PCDH9: variants seen among roughly 807,000 people sequenced by gnomAD.
The protein encoded by PCDH9 is protocadherin 9.
A neutral mutation model predicts 70.6 loss-of-function variants in PCDH9; 24 were observed. That is an observed-to-expected ratio of 0.34 (90% confidence interval 0.25 to 0.48). PCDH9 has a LOEUF of 0.48. Among genes scored for constraint, PCDH9 ranks in the 20% least tolerant of loss-of-function variants. The probability of loss-of-function intolerance (pLI) is 0.99; values close to 1 mark genes in which losing one functional copy is unlikely to be tolerated. For missense variants in PCDH9, 1,281 were observed against 1,503.6 expected (o/e 0.85, Z 2.45); for synonymous variants, 562 against 558.5 (o/e 1.01, Z -0.09).
intron 3 of PCDH9, among the ~76,000 whole-genome samples, chr13:66,773,760 T>C (rs1005041981): frequency 4.0e-5 from 6 of 151,828 alleles, no homozygotes; most frequent in Non-Finnish European, 8.8e-5. Context: ...TAATTGTCCC[T>C]GGACCAATTT....
intron 2 of PCDH9, among the ~76,000 whole-genome samples, chr13:66,963,922 CTTAGG>C (rs1481086928): frequency 1.3e-5 from 2 of 151,828 alleles, no homozygotes; most frequent in African/African-American, 4.8e-5. Context: ...TAGATGTTCT[CTTAGG>C]TTAAGTTCAT....
chr13:66,658,040 T>C, intron 3 of PCDH9, among the ~76,000 whole-genome samples: 1 of 152,192 alleles, frequency 6.6e-6, no homozygotes, highest in South Asian at 2.1e-4. Context: ...CTAGAGATGA[T>C]TTTTAAAATA....
chr13:67,226,449 G>A lies in PCDH9; in HGVS notation c.1992C>T (p.Asn664=), dbSNP rs1566511424. Residue 664 remains asparagine (N), a synonymous_variant, in exon 2 of 5, where the codon AAC becomes AAT. Transcript: ENST00000377865. The surrounding 1 kb of genome is among the most constrained non-coding windows in gnomAD (Gnocchi z 5.0). ...PRSSTAKVTI[N]VMDVNDNSPV... ...GGCTGTTGTCATTGACATCCATGAC[G>A]TTGATAGTTACTTTTGCAGTAGAGG... 11 of 1,613,952 alleles carry A rather than the reference G, an allele frequency of 6.8e-6. No homozygotes were observed. Among genetic ancestry groups the A allele is most frequent in the South Asian group, 1.1e-5 (1 of 91,074 alleles).
At chr13:66,773,830 G>C (rs1038135316) in intron 3 of PCDH9, among the ~76,000 whole-genome samples, 5 of 150,660 alleles carry the variant, frequency 3.3e-5, no homozygotes, top group African/African-American at 4.9e-5. Flanking sequence ...CCAGGCTGGA[G>C]TGCAGTGGGT....
At chr13:66,647,830 T>C (rs1036065412) in intron 3 of PCDH9, among the ~76,000 whole-genome samples, 2 of 151,930 alleles carry the variant, frequency 1.3e-5, no homozygotes, top group African/African-American at 4.8e-5. Flanking sequence ...CCCATTGCCT[T>C]GAAGGGAGTG....
At chr13:66,384,722 T>A (rs189074338) in intron 4 of PCDH9, among the ~76,000 whole-genome samples, 1 of 152,324 alleles carries the variant, frequency 6.6e-6, no homozygotes, top group East Asian at 1.9e-4. Context: ...TGGAGTGCAG[T>A]GGCACAATCT....
chr13:66,523,057 C>T (rs1438152082), intron 4 of PCDH9, among the ~76,000 whole-genome samples: 5 of 151,988 alleles, frequency 3.3e-5, no homozygotes, highest in Non-Finnish European at 7.4e-5. Flanking sequence ...GGTGTTGCTT[C>T]AAAATGATTT....
At chr13:66,892,879 A>G in intron 3 of PCDH9, among the ~76,000 whole-genome samples, 1 of 152,116 alleles carries the variant, frequency 6.6e-6, no homozygotes, top group East Asian at 1.9e-4. Flanking sequence ...CACACCTTTG[A>G]TATCATATAT....
At chr13:66,843,900 A>C (rs2081158786) in intron 3 of PCDH9, among the ~76,000 whole-genome samples, 1 of 152,224 alleles carries the variant, frequency 6.6e-6, no homozygotes, top group Non-Finnish European at 1.5e-5. Context: ...GATATCATGT[A>C]TGTAAGTGCA....
chr13:66,381,016 T>C (rs1311203991), intron 4 of PCDH9, among the ~76,000 whole-genome samples: 1 of 152,222 alleles, frequency 6.6e-6, no homozygotes, highest in African/African-American at 2.4e-5. Flanking sequence ...AATGTAAACA[T>C]GCTTGCAAAA....
chr13:67,033,594 G>A (rs534514360), intron 2 of PCDH9, among the ~76,000 whole-genome samples: 40 of 152,248 alleles, frequency 2.6e-4, no homozygotes, highest in African/African-American at 9.1e-4. Context: ...GATGATGGGT[G>A]CTGTGGCAGG....
chr13:66,726,622 A>T (rs1190892003), intron 3 of PCDH9, among the ~76,000 whole-genome samples: 1 of 152,140 alleles, frequency 6.6e-6, no homozygotes, highest in African/African-American at 2.4e-5. Context: ...TTATTCCCCA[A>T]ATTACCTCCA....
intron 2 of PCDH9, among the ~76,000 whole-genome samples, chr13:67,171,391 G>C (rs1241548951): frequency 6.6e-6 from 1 of 152,148 alleles, no homozygotes; most frequent in Non-Finnish European, 1.5e-5. Flanking sequence ...TGGAGGACTA[G>C]ACTGTCACCA....
intron 4 of PCDH9, among the ~76,000 whole-genome samples, chr13:66,557,758 G>A (rs771743709): frequency 3.9e-5 from 6 of 152,168 alleles, no homozygotes; most frequent in Non-Finnish European, 8.8e-5. Context: ...TGATAGAGTG[G>A]TTTCTGATAA....
intron 4 of PCDH9, among the ~76,000 whole-genome samples, chr13:66,409,016 T>C (rs892726864): frequency 7.2e-5 from 11 of 152,008 alleles, no homozygotes; most frequent in African/African-American, 2.7e-4. Flanking sequence ...TTAGGTAATA[T>C]AATGGAAAGA....
At chr13:66,700,922 A>ATGTGTGT (rs1566514236) in intron 3 of PCDH9, among the ~76,000 whole-genome samples, 2 of 46,960 alleles carry the variant, frequency 4.3e-5, no homozygotes, top group Admixed American at 2.8e-4. Flanking sequence ...GTGTACATAT[A>ATGTGTGT]AATATATATA....
At chr13:66,780,853 A>AT in intron 3 of PCDH9, among the ~76,000 whole-genome samples, 1 of 152,298 alleles carries the variant, frequency 6.6e-6, no homozygotes, top group South Asian at 2.1e-4. Context: ...TTCAATAAAT[A>AT]TTTTTTGACT....
chr13:66,806,916 G>T (rs2080419536), intron 3 of PCDH9, among the ~76,000 whole-genome samples: 1 of 152,062 alleles, frequency 6.6e-6, no homozygotes, highest in African/African-American at 2.4e-5. Context: ...TTATGATAAA[G>T]AATTGTTTTT....
At chr13:67,187,657 T>G (rs949502817) in intron 2 of PCDH9, among the ~76,000 whole-genome samples, 1 of 152,134 alleles carries the variant, frequency 6.6e-6, no homozygotes, top group Non-Finnish European at 1.5e-5. Context: ...CATATTTATT[T>G]ATATTTTTAA....
Sources: allele counts gnomAD v4.1 joint callset (sites outside exome capture counted in the v4.1 genomes callset), GRCh38; gene constraint gnomAD v4.1.1; non-coding constraint Gnocchi (gnomAD v3.1); transcripts MANE v1.5; gene names NCBI Gene and HGNC (gene_info 2026-07-23, HGNC 2026-07-21).